Variants in DLGAP3 observed in about 807,000 individuals in gnomAD.
DLGAP3 encodes the protein DLG associated protein 3.
Under a neutral mutation model 81.2 loss-of-function variants are expected in DLGAP3, and 17 were observed. The observed-to-expected ratio is 0.21, with a 90% CI of 0.14 to 0.31. The LOEUF (loss-of-function observed/expected upper bound fraction) is 0.31, where lower values mean the gene tolerates loss of function less well. Ranked by LOEUF, DLGAP3 falls within the 10% of genes least tolerant of loss-of-function variation. The probability of loss-of-function intolerance (pLI) is 1.00; values close to 1 mark genes in which losing one functional copy is unlikely to be tolerated. For missense variants in DLGAP3, 1,124 were observed against 1,388.0 expected (o/e 0.81, Z 3.02); for synonymous variants, 577 against 587.4 (o/e 0.98, Z 0.26).
At position 34,868,919 on chromosome 1, in the gene DLGAP3, G is replaced by A; in HGVS notation, c.2171C>T (p.Thr724Ile). ...GTGGACCGTGCGGAAGACTGAGTAG[G>A]TGGGGGCCCGGGGCCCAGGCTGGGG... is the stretch of plus-strand genomic sequence containing the variant. ...SEPQPGPRAP[T>I]YSVFRTVHTQ... The change falls in exon 9 of 12, where the codon ACC (threonine) becomes ATC (isoleucine). Residue 724 changes from threonine to isoleucine, a missense_variant. Thr to Ile is a moderately conservative substitution (Grantham distance 89). This residue lies in a region of DLGAP3 where 379 missense variants were observed against 455.7 expected (regional missense o/e 0.83). Transcript: ENST00000373347. The surrounding 1 kb of genome is among the most constrained non-coding windows in gnomAD (Gnocchi z 7.5). 6.2e-7 allele frequency: 1 copy of A among 1,608,634 alleles called. No individual in the cohort carries two copies. The highest frequency in any genetic ancestry group is 8.5e-7 in the Non-Finnish European group (1 of 1,179,794).
chr1:34,892,968 C>T (rs577774929), intron 5 of DLGAP3, among the ~76,000 whole-genome samples: 3 of 151,144 alleles, frequency 2.0e-5, no homozygotes, highest in South Asian at 4.2e-4. Context: ...GTCAGGAGAT[C>T]GAGACCATCC....
intron 7 of DLGAP3, 72 bp downstream of exon 7, chr1:34,885,406 C>A: frequency 6.6e-7 from 1 of 1,505,952 alleles, no homozygotes; most frequent in Non-Finnish European, 9.1e-7. Flanking sequence ...TCCAGAAGGC[C>A]GCTTCCAGCC....
intron 1 of DLGAP3, among the ~76,000 whole-genome samples, chr1:34,914,125 C>G (rs982443573): frequency 6.6e-6 from 1 of 152,158 alleles, no homozygotes; most frequent in African/African-American, 2.4e-5. Flanking sequence ...TTCACTCAGA[C>G]TTGCTGGGCC....
chr1:34,912,302 AG>A (rs1450592692), intron 1 of DLGAP3, among the ~76,000 whole-genome samples: 1 of 152,166 alleles, frequency 6.6e-6, no homozygotes. Flanking sequence ...CCTGGGGAAA[AG>A]ATAAGGTGTT....
intron 8 of DLGAP3, among the ~76,000 whole-genome samples, chr1:34,882,483 A>G (rs1249177087): frequency 6.6e-6 from 1 of 152,244 alleles, no homozygotes; most frequent in Non-Finnish European, 1.5e-5. Context: ...CATCTCAAAA[A>G]AAATAAAATT....
intron 11 of DLGAP3, among the ~76,000 whole-genome samples, chr1:34,866,787 C>CA (rs1391286408): frequency 5.3e-5 from 8 of 151,280 alleles, no homozygotes; most frequent in African/African-American, 7.3e-5. Flanking sequence ...CGCCGCCACC[C>CA]CCCCAACCCC....
intron 7 of DLGAP3, 136 bp downstream of exon 7, chr1:34,885,342 C>A: frequency 9.9e-7 from 1 of 1,009,760 alleles, no homozygotes; most frequent in Non-Finnish European, 1.5e-6. Flanking sequence ...CCGTCGATGT[C>A]CAGGCACGGG....
At chr1:34,920,657 G>A (rs1346762612) in intron 1 of DLGAP3, among the ~76,000 whole-genome samples, 1 of 152,066 alleles carries the variant, frequency 6.6e-6, no homozygotes, top group Non-Finnish European at 1.5e-5. Context: ...TTCCTAACTG[G>A]TCTCCCTGCC....
chr1:34,914,791 G>A (rs147216622), intron 1 of DLGAP3, among the ~76,000 whole-genome samples: 1 of 152,336 alleles, frequency 6.6e-6, no homozygotes, highest in East Asian at 1.9e-4. Flanking sequence ...ACAGCTTTGG[G>A]CAAAGGCTGT....
In DLGAP3 at chr1:34,885,651, A is replaced by T; in HGVS notation, c.1741T>A (p.Ser581Thr). ...GCGGGGCCGTCCAGCCCGTCGGCGG[A>T]GCTGCAGCGCCGGGCGGGGCCCTCG... ...AAEGPARRCS[S>T]ADGLDGPAMG... Residue 581 changes from serine (S) to threonine (T), a missense_variant, in exon 7 of 12, where the codon TCC (serine) becomes ACC (threonine). This residue lies in a region of DLGAP3 where 379 missense variants were observed against 455.7 expected (regional missense o/e 0.83). Coordinates refer to ENST00000373347, the MANE Select transcript of DLGAP3 (RefSeq NM_001080418.3). 3 of 1,451,890 alleles carry T rather than the reference A, an allele frequency of 2.1e-6. No individual in the cohort carries two copies. The highest frequency in any genetic ancestry group is 2.7e-6 in the Non-Finnish European group (3 of 1,109,608). The allele number at this position is 1,451,890 out of a possible 1,614,324, so 89.9% of individuals were successfully genotyped here.
intron 1 of DLGAP3, among the ~76,000 whole-genome samples, chr1:34,923,592 C>A (rs981458151): frequency 6.6e-6 from 1 of 152,018 alleles, no homozygotes. Flanking sequence ...CTGCTTCAGG[C>A]AGTAGCAGCA....
intron 8 of DLGAP3, among the ~76,000 whole-genome samples, chr1:34,871,658 G>A (rs1439209500): frequency 6.6e-6 from 1 of 152,214 alleles, no homozygotes; most frequent in Non-Finnish European, 1.5e-5. Flanking sequence ...CAATAAATAC[G>A]TGCCTGATGA....
intron 4 of DLGAP3, 72 bp downstream of exon 4, chr1:34,899,996 C>A: frequency 7.4e-7 from 1 of 1,356,094 alleles, no homozygotes; most frequent in Non-Finnish European, 1.0e-6. Flanking sequence ...GGCACCCACT[C>A]TACACACATC....
At chr1:34,879,458 C>T (rs1195799969) in intron 8 of DLGAP3, among the ~76,000 whole-genome samples, 2 of 152,176 alleles carry the variant, frequency 1.3e-5, no homozygotes, top group Non-Finnish European at 2.9e-5. Flanking sequence ...TCACCTGCTG[C>T]GCACCTCCTG....
chr1:34,905,493 CT>C, intron 2 of DLGAP3, 59 bp from the exon 3 acceptor site: 1 of 1,181,374 alleles, frequency 8.5e-7, no homozygotes, highest in Non-Finnish European at 1.2e-6. Context: ...CTAAAACCAT[CT>C]TTTATTAGGC....
intron 6 of DLGAP3, 47 bp from the exon 7 acceptor site, chr1:34,885,838 T>G (rs1326472173): frequency 1.5e-6 from 2 of 1,373,080 alleles, no homozygotes; most frequent in Admixed American, 6.0e-5. Context: ...CTCGCGGCCC[T>G]GCCTGGGTCC....
chr1:34,906,341 C>T lies in DLGAP3; in HGVS notation c.-51-907G>A, dbSNP rs571319197. Among the ~76,000 whole-genome samples the T allele has an allele frequency of 2.6e-5, 4 of 152,012 alleles. No individual in the cohort carries two copies. The East Asian group carries it at 5.9e-4, about 22-fold the overall frequency. ...TCTACTCCAACCCTGCCCTACACCC[C>T]ACTGTTGCAAGAGCCAGGCCTCAGG... is the stretch of plus-strand genomic sequence containing the variant. On this transcript the variant is annotated intron_variant, in intron 2 of 11. Transcript: ENST00000373347.
At chr1:34,919,018 G>T (rs1639761615) in intron 1 of DLGAP3, among the ~76,000 whole-genome samples, 1 of 152,208 alleles carries the variant, frequency 6.6e-6, no homozygotes, top group African/African-American at 2.4e-5. Context: ...CACGTGGGCA[G>T]AGTCGTTGCC....
chr1:34,870,380 A>G (rs1287810762), intron 8 of DLGAP3, among the ~76,000 whole-genome samples: 2 of 152,132 alleles, frequency 1.3e-5, no homozygotes, highest in African/African-American at 4.8e-5. Flanking sequence ...GTGTGTCCTG[A>G]GCTACCTCCA....
Sources: gnomAD v4.1 joint callset for allele counts (sites outside exome capture counted in the v4.1 genomes callset) on GRCh38, gnomAD v4.1.1 for gene constraint, gnomAD v4.1.1 regional missense constraint, Gnocchi (gnomAD v3.1) non-coding constraint, MANE v1.5 for transcripts, NCBI Gene and HGNC (gene_info 2026-07-23, HGNC 2026-07-21) for gene names.